KSR2: variants seen among roughly 807,000 people sequenced by gnomAD.
KSR2 encodes kinase suppressor of ras 2.
Under a neutral mutation model 107.8 loss-of-function variants are expected in KSR2, and 25 were observed. That is an observed-to-expected ratio of 0.23 (90% confidence interval 0.17 to 0.32). The LOEUF is 0.32. Among genes scored for constraint, KSR2 ranks in the 10% least tolerant of loss-of-function variants. The probability of loss-of-function intolerance (pLI) is 1.00; values close to 1 mark genes in which losing one functional copy is unlikely to be tolerated. For missense variants in KSR2, 887 were observed against 1,268.9 expected (o/e 0.70, Z 4.57); for synonymous variants, 480 against 507.0 (o/e 0.95, Z 0.71).
intron 14 of KSR2, among the ~76,000 whole-genome samples, chr12:117,492,044 T>C (rs1340997074): frequency 3.3e-5 from 5 of 152,228 alleles, no homozygotes; most frequent in African/African-American, 1.2e-4. Flanking sequence ...CACCTCTCGG[T>C]ATTTCTGTAC....
intron 18 of KSR2, 61 bp downstream of exon 18, chr12:117,471,130 G>A: frequency 1.2e-5 from 19 of 1,589,732 alleles, no homozygotes; most frequent in Non-Finnish European, 1.6e-5. Context: ...TAAAAAGAAG[G>A]CCCATGACTG....
chr12:117,827,034 CAAA>C (rs58583797), intron 3 of KSR2, among the ~76,000 whole-genome samples: 6 of 103,562 alleles, frequency 5.8e-5, no homozygotes, highest in Admixed American at 9.8e-5. Flanking sequence ...GACCCTGTCT[CAAA>C]AAAAAAAAAA....
chr12:117,806,963 C>T (rs572691301), intron 3 of KSR2, among the ~76,000 whole-genome samples: 1 of 152,308 alleles, frequency 6.6e-6, no homozygotes, highest in Non-Finnish European at 1.5e-5. Context: ...TGCCTGTCCC[C>T]GTGCCCGTCC....
intron 10 of KSR2, among the ~76,000 whole-genome samples, chr12:117,537,278 T>C (rs775966573): frequency 3.9e-5 from 6 of 152,108 alleles, no homozygotes; most frequent in Admixed American, 6.5e-5. Flanking sequence ...AAATGTTGAG[T>C]TCAGTTCATA....
chr12:117,681,561 T>TC, intron 4 of KSR2, among the ~76,000 whole-genome samples: 1 of 152,278 alleles, frequency 6.6e-6, no homozygotes, highest in Non-Finnish European at 1.5e-5. Flanking sequence ...CAGGGCCAGA[T>TC]CACTGCAGGT....
intron 3 of KSR2, among the ~76,000 whole-genome samples, chr12:117,812,555 G>T (rs547522906): frequency 2.0e-5 from 3 of 152,120 alleles, no homozygotes; most frequent in Admixed American, 1.3e-4. Context: ...ATAGTAAATG[G>T]TCCTGTACTC....
At chr12:117,631,560 T>C (rs1304586233) in intron 5 of KSR2, among the ~76,000 whole-genome samples, 1 of 152,212 alleles carries the variant, frequency 6.6e-6, no homozygotes, top group Non-Finnish European at 1.5e-5. Context: ...ATCTACATTT[T>C]TCATGCCTAA....
intron 3 of KSR2, among the ~76,000 whole-genome samples, chr12:117,846,217 C>T (rs979032828): frequency 6.6e-6 from 1 of 152,092 alleles, no homozygotes; most frequent in Non-Finnish European, 1.5e-5. Context: ...CTCTGATCAG[C>T]CCATCAAAGC....
chr12:117,848,826 A>ATGGTGGTAGTGGTGGTGATGGTGGTAG (rs1892803792), intron 3 of KSR2, among the ~76,000 whole-genome samples: 1 of 128,064 alleles, frequency 7.8e-6, no homozygotes, highest in Non-Finnish European at 1.6e-5. Flanking sequence ...GTGGGTGGTG[A>ATGGTGGTAGTGGTGGTGATGGTGGTAG]TGGTGGTAGT....
chr12:117,509,071 G>A (rs73401495), intron 14 of KSR2, among the ~76,000 whole-genome samples: 3,486 of 152,174 alleles, frequency 0.023, 155 homozygotes, highest in African/African-American at 0.08. Context: ...AGGATGGATG[G>A]ATGCGTGATC....
At chr12:117,681,378 G>A (rs1282238210) in intron 4 of KSR2, among the ~76,000 whole-genome samples, 1 of 152,042 alleles carries the variant, frequency 6.6e-6, no homozygotes, top group Non-Finnish European at 1.5e-5. Flanking sequence ...CTGGCATTTT[G>A]GCTGAGACCT....
At chr12:117,751,574 AC>A (rs1888612721) in intron 4 of KSR2, among the ~76,000 whole-genome samples, 1 of 152,178 alleles carries the variant, frequency 6.6e-6, no homozygotes. Context: ...TGAGGAATCT[AC>A]AGCTTTGGGA....
intron 1 of KSR2, among the ~76,000 whole-genome samples, chr12:117,938,490 C>CA (rs1467607923): frequency 1.3e-5 from 2 of 151,184 alleles, no homozygotes; most frequent in Admixed American, 1.3e-4. Context: ...CTCATTTCTA[C>CA]AAAAAATTTA....
At chr12:117,582,790 G>A (rs752526804) in intron 5 of KSR2, among the ~76,000 whole-genome samples, 4 of 152,166 alleles carry the variant, frequency 2.6e-5, no homozygotes, top group Admixed American at 1.3e-4. Flanking sequence ...CTTAGAAGCC[G>A]CACAGCAGCT....
chr12:117,885,205 T>C (rs1473188420), intron 1 of KSR2, among the ~76,000 whole-genome samples: 2 of 152,210 alleles, frequency 1.3e-5, no homozygotes, highest in African/African-American at 4.8e-5. Context: ...TGGCTGGACC[T>C]GGAATCCAGG....
intron 3 of KSR2, among the ~76,000 whole-genome samples, chr12:117,831,804 C>T (rs796944443): frequency 2.5e-4 from 38 of 152,278 alleles, no homozygotes; most frequent in African/African-American, 8.9e-4. Context: ...CAGCCAAGTA[C>T]CCCACACAAT....
chr12:117,474,781 T>C (rs1093315), intron 17 of KSR2, among the ~76,000 whole-genome samples: 77,072 of 151,976 alleles, frequency 0.51, 19,905 homozygotes, highest in South Asian at 0.72. Flanking sequence ...CTCTTTTCTA[T>C]ACTAGTCGTG....
chr12:117,879,979 T>C (rs182721788), intron 1 of KSR2, among the ~76,000 whole-genome samples: 1 of 152,190 alleles, frequency 6.6e-6, no homozygotes, highest in Non-Finnish European at 1.5e-5. Context: ...AAACCCTGTC[T>C]CTACTAAAAA....
intron 3 of KSR2, among the ~76,000 whole-genome samples, chr12:117,824,011 A>G (rs1891650954): frequency 6.6e-6 from 1 of 152,222 alleles, no homozygotes. Flanking sequence ...AGTACCCATC[A>G]ATGGATGAAT....
Sources: gnomAD v4.1 joint callset for allele counts (sites outside exome capture counted in the v4.1 genomes callset) on GRCh38, gnomAD v4.1.1 for gene constraint, MANE v1.5 for transcripts, NCBI Gene and HGNC (gene_info 2026-07-23, HGNC 2026-07-21) for gene names.